The following DYNC2I1 variants were observed in gnomAD, a reference collection of about 807,000 sequenced individuals.
The protein encoded by DYNC2I1 is dynein 2 intermediate chain 1.
Under a neutral mutation model 133.4 loss-of-function variants are expected in DYNC2I1, and 89 were observed. The ratio of observed to expected loss-of-function variants is 0.67; its 90% CI spans 0.56 to 0.80. The LOEUF (loss-of-function observed/expected upper bound fraction) is 0.80, where lower values mean the gene tolerates loss of function less well. Among genes scored for constraint, DYNC2I1 ranks in the 30% least tolerant of loss-of-function variants. The pLI is 0.00. For synonymous variants in DYNC2I1, 504 were observed against 484.3 expected (o/e 1.04, Z -0.54); for missense variants, 1,291 against 1,314.5 (o/e 0.98, Z 0.28).
intron 1 of DYNC2I1, among the ~76,000 whole-genome samples, chr7:158,868,973 GA>G (rs1842648691): frequency 6.6e-6 from 1 of 152,216 alleles, no homozygotes; most frequent in South Asian, 2.1e-4. Flanking sequence ...TGCTGTGTAA[GA>G]GGCTGTGGTG....
At chr7:158,853,891 G>T (rs1347467832), upstream of DYNC2I1, among the ~76,000 whole-genome samples, 1 of 152,132 alleles carries the variant, frequency 6.6e-6, no homozygotes, top group South Asian at 2.1e-4. Flanking sequence ...GACCTCAGGT[G>T]ATCTGCCTGC....
intron 3 of DYNC2I1, among the ~76,000 whole-genome samples, chr7:158,875,111 T>TTC (rs1843232451): frequency 3.0e-5 from 4 of 134,312 alleles, no homozygotes; most frequent in South Asian, 4.6e-4. Flanking sequence ...TTTTTTTTTT[T>TTC]CTGAGAAGGA....
intron 23 of DYNC2I1, among the ~76,000 whole-genome samples, chr7:158,940,247 C>T (rs1275504377): frequency 6.6e-6 from 1 of 152,140 alleles, no homozygotes; most frequent in African/African-American, 2.4e-5. Flanking sequence ...CACCTCAGAT[C>T]ATCAGGCATT....
At chr7:158,860,937 T>G (rs1841819628) in intron 1 of DYNC2I1, among the ~76,000 whole-genome samples, 1 of 152,214 alleles carries the variant, frequency 6.6e-6, no homozygotes, top group Non-Finnish European at 1.5e-5. Flanking sequence ...CCAATCCGCT[T>G]GTGGGGTTCC....
intron 23 of DYNC2I1, among the ~76,000 whole-genome samples, chr7:158,938,163 G>T (rs1850957873): frequency 6.6e-6 from 1 of 152,190 alleles, no homozygotes; most frequent in African/African-American, 2.4e-5. Context: ...TTACCCCAAG[G>T]CATTTAATAA....
the DYNC2I1 span, among the ~76,000 whole-genome samples, chr7:158,846,057 C>A: frequency 6.6e-6 from 1 of 151,992 alleles, no homozygotes; most frequent in Non-Finnish European, 1.5e-5. Flanking sequence ...ACTAGGAGTT[C>A]GAGACTAGCC....
chr7:158,855,118 AAG>A (rs1246696483), upstream of DYNC2I1, among the ~76,000 whole-genome samples: 20 of 152,242 alleles, frequency 1.3e-4, no homozygotes, highest in Admixed American at 1.2e-3. Context: ...GCAATAGAGA[AAG>A]AGTAATTTAC....
At chr7:158,953,123 G>A (rs1464639517) in intron 4 of DYNC2I1, among the ~76,000 whole-genome samples, 1 of 152,094 alleles carries the variant, frequency 6.6e-6, no homozygotes, top group Non-Finnish European at 1.5e-5. Context: ...TACCCTCCTC[G>A]CCCACCTCTC....
At chr7:158,916,179 C>G (rs1848247372) in intron 14 of DYNC2I1, among the ~76,000 whole-genome samples, 1 of 82,790 alleles carries the variant, frequency 1.2e-5, no homozygotes, top group Non-Finnish European at 3.0e-5. Flanking sequence ...GAAACGTCGA[C>G]ACGCTGGTTG....
At chr7:158,888,059 C>T (rs1844788521) in intron 7 of DYNC2I1, among the ~76,000 whole-genome samples, 1 of 128,220 alleles carries the variant, frequency 7.8e-6, no homozygotes, top group African/African-American at 3.0e-5. Context: ...AGGTCTCACT[C>T]TGTTGCCCAG....
At chr7:158,886,945 T>A in intron 6 of DYNC2I1, 76 bp from the exon 7 acceptor site, 1 of 1,365,912 alleles carries the variant, frequency 7.3e-7, no homozygotes, top group South Asian at 1.2e-5. Context: ...GAGCTTTCAC[T>A]GATATGGAAA....
At chr7:158,869,971 C>A (rs1295389939) in intron 2 of DYNC2I1, 63 bp downstream of exon 2, 23 of 1,408,680 alleles carry the variant, frequency 1.6e-5, no homozygotes, top group Admixed American at 1.1e-4. Flanking sequence ...CTTGGACCTG[C>A]TTTACCTGGT....
At chr7:158,840,832 T>C in the DYNC2I1 span, among the ~76,000 whole-genome samples, 2 of 152,024 alleles carry the variant, frequency 1.3e-5, no homozygotes, top group African/African-American at 4.8e-5. Flanking sequence ...GAGCCTGTGC[T>C]GGGGCCGTGT....
chr7:158,919,548 G>C lies in DYNC2I1; in HGVS notation c.1921+679G>C, dbSNP rs192362764. On this transcript the variant is annotated intron_variant, in intron 15 of 24. Transcript: ENST00000407559. Reference sequence around the variant, plus strand: ...GTTTTTGTGGAGAACCAGCAGAGGTGGTCCGTGTGGCCGTCTGCTTGGTAG... The same window carrying C: ...GTTTTTGTGGAGAACCAGCAGAGGTCGTCCGTGTGGCCGTCTGCTTGGTAG... 6.1e-3 allele frequency among the ~76,000 whole-genome samples: 926 copies of C among 152,346 alleles called. 25 individuals carry two copies. Among genetic ancestry groups the C allele is most frequent in the Admixed American group, 0.047 (716 of 15,306 alleles).
At chr7:158,929,359 C>G (rs976966854) in intron 20 of DYNC2I1, among the ~76,000 whole-genome samples, 1 of 152,252 alleles carries the variant, frequency 6.6e-6, no homozygotes, top group African/African-American at 2.4e-5. Context: ...TGGTGGTGGA[C>G]TTACTGGAGC....
chr7:158,891,169 C>A, intron 7 of DYNC2I1, 96 bp from the exon 8 acceptor site: 1 of 1,351,540 alleles, frequency 7.4e-7, no homozygotes, highest in Non-Finnish European at 1.1e-6. Flanking sequence ...TGAGGGCTGG[C>A]GGGCTCCGCA....
chr7:158,905,673 GT>G (rs932500802), intron 10 of DYNC2I1, among the ~76,000 whole-genome samples: 1 of 151,736 alleles, frequency 6.6e-6, no homozygotes, highest in African/African-American at 2.4e-5. Context: ...GATAATCTTT[GT>G]TTTTTTTGCA....
rs182468279 is a variant in DYNC2I1 at position 158,863,527 on chromosome 7, T to C, written c.16-6328T>C. On this transcript the variant is annotated intron_variant, in intron 1 of 24. Coordinates refer to ENST00000407559, the MANE Select transcript of DYNC2I1 (RefSeq NM_018051.5). Reference sequence around the variant, plus strand: ...TGAGTCAAGAGGTCATAAAGCAGGCTGCTTACTTAGCTCTGGGTGTGGGAG... The same window carrying C: ...TGAGTCAAGAGGTCATAAAGCAGGCCGCTTACTTAGCTCTGGGTGTGGGAG... Among the ~76,000 whole-genome samples the C allele has an allele frequency of 6.8e-4, 103 of 151,482 alleles. 1 individual carries two copies. The East Asian group carries it at 0.019, about 28-fold the overall frequency.
At chr7:158,944,200 CAG>C (rs1851660914) in intron 24 of DYNC2I1, among the ~76,000 whole-genome samples, 1 of 152,136 alleles carries the variant, frequency 6.6e-6, no homozygotes, top group Non-Finnish European at 1.5e-5. Flanking sequence ...GCAGGGCCCT[CAG>C]GGCCAGCACG....
Sources: gnomAD v4.1 joint callset for allele counts (sites outside exome capture counted in the v4.1 genomes callset) on GRCh38, gnomAD v4.1.1 for gene constraint, MANE v1.5 for transcripts, NCBI Gene and HGNC (gene_info 2026-07-23, HGNC 2026-07-21) for gene names.